The following AGMO variants were observed in gnomAD, a reference collection of about 807,000 sequenced individuals.
AGMO encodes the protein alkylglycerol monooxygenase.
AGMO carries 75 observed loss-of-function variants against 60.2 expected under a neutral mutation model. The ratio of observed to expected loss-of-function variants is 1.25; its 90% CI spans 1.03 to 1.51. The LOEUF is 1.51. Ranked by LOEUF, AGMO falls within the 40% of genes most tolerant of loss-of-function variation. The pLI is 0.00. For synonymous variants in AGMO, 261 were observed against 177.1 expected (o/e 1.47, Z -3.76); for missense variants, 763 against 525.5 (o/e 1.45, Z -4.42).
chr7:15,341,402 G>A (rs561374857), intron 12 of AGMO, among the ~76,000 whole-genome samples: 4 of 152,284 alleles, frequency 2.6e-5, no homozygotes, highest in African/African-American at 9.6e-5. Context: ...CATTACAAGA[G>A]TCACCTTTGC....
chr7:15,262,210 T>A (rs1476458244), intron 12 of AGMO, among the ~76,000 whole-genome samples: 1 of 151,968 alleles, frequency 6.6e-6, no homozygotes, highest in Non-Finnish European at 1.5e-5. Context: ...TTTGCTGATG[T>A]GATTGTATAC....
chr7:15,199,402 T>A (rs1563031020), downstream of AGMO, among the ~76,000 whole-genome samples: 1 of 152,214 alleles, frequency 6.6e-6, no homozygotes. Flanking sequence ...GGGAATTATT[T>A]ATTAACATTT....
chr7:15,523,190 T>C (rs1784047084), intron 3 of AGMO, among the ~76,000 whole-genome samples: 1 of 151,954 alleles, frequency 6.6e-6, no homozygotes, highest in South Asian at 2.1e-4. Context: ...AAACAGATGC[T>C]GGAGAGGATG....
chr7:15,431,025 G>A lies in AGMO; in HGVS notation c.493C>T (p.Leu165Phe). ...CTTACCCAGGAAGTATATATCTGGA[G>A]GACAGACTGTCTCAGTGCTGTGGAT... ...NLSTALRQSV[L>F]QIYTSWIFYS... Residue 165 changes from leucine (L) to phenylalanine (F), a missense_variant, in exon 4 of 13, where the codon CTC (leucine) becomes TTC (phenylalanine). Coordinates refer to ENST00000342526, the MANE Select transcript of AGMO (RefSeq NM_001004320.2). The A allele has an allele frequency of 6.2e-7, 1 of 1,603,292 alleles. No individual in the cohort carries two copies. The highest frequency in any genetic ancestry group is 8.5e-7 in the Non-Finnish European group (1 of 1,173,086).
At chr7:15,331,324 G>A (rs1781493464) in intron 12 of AGMO, among the ~76,000 whole-genome samples, 1 of 152,162 alleles carries the variant, frequency 6.6e-6, no homozygotes. Flanking sequence ...AAGCCACTAA[G>A]GTTTAGGATA....
chr7:15,322,322 G>A (rs183198606), intron 12 of AGMO, among the ~76,000 whole-genome samples: 8 of 146,006 alleles, frequency 5.5e-5, no homozygotes, highest in African/African-American at 7.5e-5. Context: ...TAGAAAACTG[G>A]CAGATATATG....
intron 5 of AGMO, among the ~76,000 whole-genome samples, chr7:15,406,019 C>T (rs1400239347): frequency 6.6e-6 from 1 of 151,818 alleles, no homozygotes; most frequent in African/African-American, 2.4e-5. Flanking sequence ...CCTTTCACAA[C>T]AGACATTTTT....
chr7:15,241,742 G>A (rs1782597299), intron 12 of AGMO, among the ~76,000 whole-genome samples: 1 of 152,124 alleles, frequency 6.6e-6, no homozygotes, highest in South Asian at 2.1e-4. Context: ...CCCATTTATT[G>A]TTACATAATT....
intron 12 of AGMO, among the ~76,000 whole-genome samples, chr7:15,334,187 C>G (rs60132029): frequency 4.0e-5 from 6 of 151,486 alleles, no homozygotes; most frequent in African/African-American, 1.5e-4. Flanking sequence ...TAAGGATTCA[C>G]AAAGCAAATT....
chr7:15,251,168 C>T (rs1782922585), intron 12 of AGMO, among the ~76,000 whole-genome samples: 1 of 152,118 alleles, frequency 6.6e-6, no homozygotes, highest in African/African-American at 2.4e-5. Flanking sequence ...TTTCACTGGT[C>T]CCATTAGCTA....
intron 3 of AGMO, among the ~76,000 whole-genome samples, chr7:15,539,120 T>A (rs1189307261): frequency 6.6e-6 from 1 of 152,124 alleles, no homozygotes; most frequent in East Asian, 1.9e-4. Context: ...TATTTTAATT[T>A]TTATGATTAT....
chr7:15,521,483 A>T (rs932858640), intron 3 of AGMO, among the ~76,000 whole-genome samples: 1 of 152,218 alleles, frequency 6.6e-6, no homozygotes, highest in Non-Finnish European at 1.5e-5. Context: ...GCAGCACATT[A>T]AAAAGCTTAT....
At chr7:15,443,631 T>C (rs1213132904) in intron 3 of AGMO, among the ~76,000 whole-genome samples, 3 of 152,196 alleles carry the variant, frequency 2.0e-5, no homozygotes, top group African/African-American at 7.2e-5. Flanking sequence ...TGAGCTGTGC[T>C]GTCCATGTGC....
the AGMO span, among the ~76,000 whole-genome samples, chr7:15,154,167 T>A: frequency 6.6e-6 from 1 of 152,154 alleles, no homozygotes; most frequent in South Asian, 2.1e-4. Flanking sequence ...AACTGGTAAA[T>A]GAATTCAGCA....
rs1026269091 is a variant in AGMO at position 15,274,002 on chromosome 7, T to C, written c.1264-72643A>G. 1.3e-5 allele frequency among the ~76,000 whole-genome samples: 2 copies of C among 152,348 alleles called. 1 individual carries two copies. The highest frequency in any genetic ancestry group is 6.8e-3 in the Middle Eastern group (2 of 294). Reference sequence around the variant, plus strand: ...CCTGAGACTTTGCTGAAGTTACTTATCAGCTTAAGGAGATTTTGGGCTGAG... The same window carrying C: ...CCTGAGACTTTGCTGAAGTTACTTACCAGCTTAAGGAGATTTTGGGCTGAG... On this transcript the variant is annotated intron_variant, in intron 12 of 12. Coordinates refer to ENST00000342526, the MANE Select transcript of AGMO (RefSeq NM_001004320.2).
chr7:15,162,354 C>T, the AGMO span, among the ~76,000 whole-genome samples: 3 of 152,144 alleles, frequency 2.0e-5, no homozygotes, highest in Admixed American at 6.6e-5. Flanking sequence ...ATGATCTAAT[C>T]TTATCATAGG....
At chr7:15,442,569 G>A (rs1449548102) in intron 3 of AGMO, among the ~76,000 whole-genome samples, 1 of 152,038 alleles carries the variant, frequency 6.6e-6, no homozygotes, top group African/African-American at 2.4e-5. Flanking sequence ...TAACTGAATT[G>A]ATTCCCTTCT....
At chr7:15,270,750 G>A (rs1583348082) in intron 12 of AGMO, among the ~76,000 whole-genome samples, 1 of 150,910 alleles carries the variant, frequency 6.6e-6, no homozygotes, top group Non-Finnish European at 1.5e-5. Flanking sequence ...GTGTCCAGAA[G>A]AGTTTTTCCT....
intron 12 of AGMO, among the ~76,000 whole-genome samples, chr7:15,269,421 G>A (rs369574695): frequency 9.9e-5 from 15 of 152,152 alleles, no homozygotes; most frequent in African/African-American, 3.4e-4. Flanking sequence ...AGGATTCCCG[G>A]TCCCAATAGA....
Sources: allele counts gnomAD v4.1 joint callset (sites outside exome capture counted in the v4.1 genomes callset), GRCh38; gene constraint gnomAD v4.1.1; transcripts MANE v1.5; gene names NCBI Gene and HGNC (gene_info 2026-07-23, HGNC 2026-07-21).